Variants in SRPK2 observed in about 807,000 individuals in gnomAD.
The protein encoded by SRPK2 is SFRS protein kinase 2.
SRPK2 carries 21 observed loss-of-function variants against 90.8 expected under a neutral mutation model. That is an observed-to-expected ratio of 0.23 (90% confidence interval 0.16 to 0.33). The LOEUF (loss-of-function observed/expected upper bound fraction) is 0.33, where lower values mean the gene tolerates loss of function less well. SRPK2 is among the 10% of genes least tolerant of loss of function. The pLI is 1.00. For missense variants in SRPK2, 620 were observed against 869.0 expected, an observed-to-expected ratio of 0.71 and a Z score of 3.60; for synonymous variants, 288 against 311.1, an observed-to-expected ratio of 0.93 and a Z score of 0.78.
chr7:105,355,626 C>G (rs1001875782), intron 2 of SRPK2, among the ~76,000 whole-genome samples: 4 of 152,098 alleles, frequency 2.6e-5, no homozygotes, highest in Admixed American at 6.6e-5. Flanking sequence ...TGTGTTCTAA[C>G]CTGGGTGAGA....
intron 2 of SRPK2, among the ~76,000 whole-genome samples, chr7:105,224,906 T>C (rs1798529397): frequency 6.6e-6 from 1 of 152,174 alleles, no homozygotes; most frequent in Non-Finnish European, 1.5e-5. Flanking sequence ...AAAGCCCCAA[T>C]CTTAAAACAC....
chr7:105,168,513 C>T (rs186737172), intron 4 of SRPK2, among the ~76,000 whole-genome samples: 1 of 152,216 alleles, frequency 6.6e-6, no homozygotes, highest in East Asian at 1.9e-4. Context: ...CTATCCAATA[C>T]ACAGAAACAT....
intron 2 of SRPK2, among the ~76,000 whole-genome samples, chr7:105,333,373 A>G (rs1247858606): frequency 6.6e-6 from 1 of 152,234 alleles, no homozygotes; most frequent in African/African-American, 2.4e-5. Flanking sequence ...CAAATAATAT[A>G]CAAAACAAAG....
chr7:105,343,685 A>C (rs1473391440), intron 2 of SRPK2, among the ~76,000 whole-genome samples: 1 of 152,216 alleles, frequency 6.6e-6, no homozygotes, highest in Non-Finnish European at 1.5e-5. Flanking sequence ...TATTCTGTTC[A>C]ATTATGATTA....
At chr7:105,143,855 G>C (rs1804157926) in intron 9 of SRPK2, 1 of 153,276 alleles carries the variant, frequency 6.5e-6, no homozygotes, top group African/African-American at 2.4e-5. Context: ...TACAGCTTTT[G>C]TCTGCCTCCC....
intron 2 of SRPK2, among the ~76,000 whole-genome samples, chr7:105,213,073 T>A (rs963267893): frequency 6.6e-6 from 1 of 152,180 alleles, no homozygotes; most frequent in Admixed American, 6.5e-5. Context: ...CCATGGATTT[T>A]GGTATCCGAA....
rs532072267 is a variant in SRPK2, at chr7:105,359,264, T to C, written c.71+29384A>G. On this transcript the variant is annotated intron_variant, in intron 2 of 15. Transcript: ENST00000393651. Reference sequence around the variant, plus strand: ...ACCTCTGCCTCCCGGGTTCAAGCAATTCACCTGCCTCAGCCTCCCAAGTAG... The same window carrying C: ...ACCTCTGCCTCCCGGGTTCAAGCAACTCACCTGCCTCAGCCTCCCAAGTAG... Among the ~76,000 whole-genome samples, 25 of 146,794 alleles carry C rather than the reference T, an allele frequency of 1.7e-4. No individual in the cohort carries two copies. In the South Asian group the frequency reaches 5.7e-3, roughly 33 times the overall value.
chr7:105,358,132 G>C (rs1439768525), intron 2 of SRPK2, among the ~76,000 whole-genome samples: 1 of 148,432 alleles, frequency 6.7e-6, no homozygotes, highest in South Asian at 2.2e-4. Flanking sequence ...GCTGAGGCAG[G>C]AGAATCGCTT....
At chr7:105,183,974 ATTTTT>A (rs57622134) in intron 3 of SRPK2, among the ~76,000 whole-genome samples, 1 of 116,278 alleles carries the variant, frequency 8.6e-6, no homozygotes, top group African/African-American at 3.4e-5. Flanking sequence ...ACTATTACCA[ATTTTT>A]TTTTTTTTTT....
At chr7:105,371,406 T>C (rs1252309849) in intron 2 of SRPK2, among the ~76,000 whole-genome samples, 1 of 151,672 alleles carries the variant, frequency 6.6e-6, no homozygotes, top group Admixed American at 6.6e-5. Flanking sequence ...TGCAAACAGG[T>C]AGTTTACAAA....
At chr7:105,275,684 G>A (rs748624558) in intron 2 of SRPK2, among the ~76,000 whole-genome samples, 1 of 152,178 alleles carries the variant, frequency 6.6e-6, no homozygotes, top group Non-Finnish European at 1.5e-5. Flanking sequence ...CCCTGATGAG[G>A]AGTAGCAGAT....
chr7:105,324,010 T>TGTGTGG (rs1554509978), intron 2 of SRPK2, among the ~76,000 whole-genome samples: 28 of 148,974 alleles, frequency 1.9e-4, no homozygotes, highest in East Asian at 7.9e-4. Flanking sequence ...TGTGTGTGTG[T>TGTGTGG]GTGTGTGGTG....
At chr7:105,313,851 AG>A (rs1485429351) in intron 2 of SRPK2, among the ~76,000 whole-genome samples, 10 of 152,218 alleles carry the variant, frequency 6.6e-5, no homozygotes. Context: ...AAAAAGAAAA[AG>A]AAAAAACATT....
At chr7:105,285,668 A>G (rs1808004946) in intron 2 of SRPK2, among the ~76,000 whole-genome samples, 1 of 151,970 alleles carries the variant, frequency 6.6e-6, no homozygotes, top group Admixed American at 6.6e-5. Context: ...ATGAGATCTG[A>G]TTGTTTAAAA....
intron 2 of SRPK2, among the ~76,000 whole-genome samples, chr7:105,358,284 G>C (rs1818028413): frequency 6.9e-6 from 1 of 144,980 alleles, no homozygotes; most frequent in Admixed American, 6.9e-5. Flanking sequence ...AAAACCAGAA[G>C]CCTTATCAAT....
intron 2 of SRPK2, among the ~76,000 whole-genome samples, chr7:105,255,815 CCAGCTACT>C (rs1198753175): frequency 6.6e-6 from 1 of 151,776 alleles, no homozygotes; most frequent in Non-Finnish European, 1.5e-5. Flanking sequence ...ACCTGTAATC[CCAGCTACT>C]CAGGAGGTTG....
intron 15 of SRPK2, 60 bp from the exon 16 acceptor site, chr7:105,118,082 G>A: frequency 6.3e-7 from 1 of 1,575,940 alleles, no homozygotes; most frequent in Non-Finnish European, 8.7e-7. Flanking sequence ...CCCCATTGTT[G>A]GTCCAGTCAG....
intron 2 of SRPK2, among the ~76,000 whole-genome samples, chr7:105,250,864 C>T (rs1378844827): frequency 6.6e-6 from 1 of 152,116 alleles, no homozygotes; most frequent in Non-Finnish European, 1.5e-5. Flanking sequence ...TTTTCACCAG[C>T]TGTTAAATCT....
At chr7:105,223,728 T>C (rs544397649) in intron 2 of SRPK2, among the ~76,000 whole-genome samples, 2 of 152,326 alleles carry the variant, frequency 1.3e-5, no homozygotes, top group East Asian at 3.9e-4. Flanking sequence ...ATACAAGAGT[T>C]TCTTGAAGCT....
Sources: allele counts gnomAD v4.1 joint callset (sites outside exome capture counted in the v4.1 genomes callset), GRCh38; gene constraint gnomAD v4.1.1; transcripts MANE v1.5; gene names NCBI Gene and HGNC (gene_info 2026-07-23, HGNC 2026-07-21).